Variants in TMC2 observed in about 807,000 individuals in gnomAD.
TMC2 encodes the protein transmembrane channel-like protein 2.
In TMC2, 102 loss-of-function variants were observed where a neutral mutation model predicts 105.9. The ratio of observed to expected loss-of-function variants is 0.96; its 90% CI spans 0.82 to 1.14. The LOEUF is 1.14. TMC2 is among the 50% of genes most tolerant of loss of function. TMC2 has a pLI of 0.00. For missense variants in TMC2, 1,093 were observed against 1,134.3 expected, an observed-to-expected ratio of 0.96 and a Z score of 0.52; for synonymous variants, 402 against 422.8, an observed-to-expected ratio of 0.95 and a Z score of 0.60.
intron 10 of TMC2, 48 bp from the exon 11 acceptor site, chr20:2,602,065 G>A: frequency 1.4e-6 from 2 of 1,414,172 alleles, no homozygotes; most frequent in Non-Finnish European, 1.9e-6. Flanking sequence ...CCATGGTTCT[G>A]GCATTTCTGG....
chr20:2,611,817 C>T (rs2086440247), intron 12 of TMC2, among the ~76,000 whole-genome samples: 1 of 126,002 alleles, frequency 7.9e-6, no homozygotes, highest in Non-Finnish European at 1.6e-5. Context: ...TGGCTGAATG[C>T]TTAGATGGAT....
At chr20:2,622,690 AG>A (rs1250716005) in intron 16 of TMC2, among the ~76,000 whole-genome samples, 3 of 151,998 alleles carry the variant, frequency 2.0e-5, no homozygotes, top group African/African-American at 7.3e-5. Context: ...CAAAAAAAAA[AG>A]AAAGAAAGAA....
intron 4 of TMC2, among the ~76,000 whole-genome samples, chr20:2,563,096 G>C (rs778846876): frequency 1.3e-5 from 2 of 151,998 alleles, no homozygotes; most frequent in Non-Finnish European, 2.9e-5. Context: ...CACTCCCCCC[G>C]TTTCCTCTGT....
At chr20:2,607,767 T>G (rs1402975000) in intron 11 of TMC2, among the ~76,000 whole-genome samples, 1 of 151,940 alleles carries the variant, frequency 6.6e-6, no homozygotes, top group East Asian at 1.9e-4. Context: ...TGTCTATGTG[T>G]TTTTTTATTT....
chr20:2,609,155 G>C (rs1263254785), intron 11 of TMC2, among the ~76,000 whole-genome samples: 1 of 152,188 alleles, frequency 6.6e-6, no homozygotes, highest in Non-Finnish European at 1.5e-5. Context: ...CCCAGTACCT[G>C]TCTGGCTCTG....
intron 2 of TMC2, among the ~76,000 whole-genome samples, chr20:2,556,868 CTT>C (rs35012600): frequency 6.8e-6 from 1 of 147,422 alleles, no homozygotes; most frequent in Non-Finnish European, 1.5e-5. Context: ...GAATTCTGTC[CTT>C]TTTTTTTTTT....
chr20:2,611,538 C>A (rs1210693337), intron 12 of TMC2, among the ~76,000 whole-genome samples: 1 of 152,128 alleles, frequency 6.6e-6, no homozygotes, highest in Non-Finnish European at 1.5e-5. Context: ...AGGTTTTGGC[C>A]CAGCTGTCAC....
intron 13 of TMC2, 77 bp from the exon 14 acceptor site, chr20:2,613,115 ACT>A (rs1305749003): frequency 2.4e-5 from 37 of 1,534,978 alleles, no homozygotes; most frequent in Non-Finnish European, 3.0e-5. Flanking sequence ...AGTTTATTAG[ACT>A]CTCAACAAAC....
At position 2,592,994 on chromosome 20, in the gene TMC2, A is replaced by G. The variant is rs2086280027; in HGVS notation, c.933+586A>G. Among the ~76,000 whole-genome samples, 1 of 152,166 alleles carries G rather than the reference A, an allele frequency of 6.6e-6. No individual in the cohort carries two copies. Among genetic ancestry groups the G allele is most frequent in the African/African-American group, 2.4e-5 (1 of 41,432 alleles). On this transcript the variant is annotated intron_variant, in intron 8 of 19. Coordinates refer to ENST00000358864, the MANE Select transcript of TMC2 (RefSeq NM_080751.3). This position sits in a 1 kb window ranked among gnomAD's most constrained non-coding sequence, Gnocchi z 4.9. ...TAAATATTTCTTAAATCTTTTGTAA[A>G]CCCAATTGTATTAGTTCATGTTCAC...
At chr20:2,639,915 C>T (rs771652665) in intron 19 of TMC2, among the ~76,000 whole-genome samples, 13 of 152,210 alleles carry the variant, frequency 8.5e-5, no homozygotes, top group African/African-American at 2.4e-4. Context: ...AGTGTCTGCA[C>T]GCAGACACTT....
rs2085850228 is a variant in TMC2 at position 2,536,597 on chromosome 20, C to A, written c.-25C>A. The A allele has an allele frequency of 1.3e-6, 2 of 1,563,976 alleles. No homozygotes were observed. Among genetic ancestry groups the A allele is most frequent in the Admixed American group, 1.9e-5 (1 of 51,712 alleles). ...CAGGAGCACGCTGCGTGAGCCTGTGCAGGACCCCAGCAGTGCTGCTGACCA... is the reference window on the plus strand; with the variant it reads ...CAGGAGCACGCTGCGTGAGCCTGTGAAGGACCCCAGCAGTGCTGCTGACCA... On this transcript the variant is annotated 5_prime_UTR_variant, in exon 1 of 20. Transcript: ENST00000358864.
At chr20:2,637,642 G>A in intron 19 of TMC2, 51 bp downstream of exon 19, 1 of 1,259,884 alleles carries the variant, frequency 7.9e-7, no homozygotes, top group Non-Finnish European at 1.2e-6. Context: ...ATGGAAAGGT[G>A]TAAAGAGCCT....
chr20:2,633,711 A>T (rs970496066), intron 17 of TMC2, among the ~76,000 whole-genome samples: 1 of 152,018 alleles, frequency 6.6e-6, no homozygotes, highest in African/African-American at 2.4e-5. Context: ...CAGGCTACTG[A>T]TTTTCACCAA....
intron 2 of TMC2, among the ~76,000 whole-genome samples, chr20:2,538,187 AGCCTGAGCTTCAGTGAG>A (rs1568498253): frequency 3.3e-5 from 5 of 152,100 alleles, no homozygotes; most frequent in African/African-American, 9.6e-5. Flanking sequence ...GGTTGTCGGG[AGCCTGAGCTTCAGTGAG>A]GCCGCTGTGT....
chr20:2,617,037 C>G, intron 15 of TMC2, 35 bp from the exon 16 acceptor site: 1 of 1,613,208 alleles, frequency 6.2e-7, no homozygotes, highest in Non-Finnish European at 8.5e-7. Flanking sequence ...TCCCTGCTGT[C>G]CAGCCAACCA....
At chr20:2,573,561 C>CTTTTTTTTTTT (rs370771531) in intron 5 of TMC2, among the ~76,000 whole-genome samples, 41 of 116,992 alleles carry the variant, frequency 3.5e-4, no homozygotes, top group Non-Finnish European at 4.6e-4. Flanking sequence ...CTTTTCTTTT[C>CTTTTTTTTTTT]TTTTTTTTTT....
Position 2,552,511 on chromosome 20 carries a change from AG to A in TMC2, c.83-5944del, listed in dbSNP as rs1462781552. On this transcript the variant is annotated intron_variant, in intron 2 of 19. Transcript: ENST00000358864. ...ACATATTTTGTTAGATTTATATATAAGTTTCATTTATTTGTTTGTTTGTTTT... is the reference window on the plus strand; with the variant it reads ...ACATATTTTGTTAGATTTATATATAATTTCATTTATTTGTTTGTTTGTTTT... Among the ~76,000 whole-genome samples, 6 of 152,102 alleles carry A rather than the reference AG, an allele frequency of 3.9e-5. No homozygotes were observed. The East Asian group carries it at 1.2e-3, about 29-fold the overall frequency.
chr20:2,624,343 CT>C lies in TMC2; in HGVS notation c.2256del (p.Phe752LeufsTer9). The part of the protein sequence containing the change: ...NDFPTFLGKI[F>X]AFLANPGLII... The stretch of plus-strand genomic sequence containing the variant: ...ATTTCCCAACCTTCCTGGGCAAGAT[CT>C]TTGCTTTCCTCGCCAATCCAGGCCT... On this transcript the variant is annotated frameshift_variant, in exon 17 of 20. Transcript: ENST00000358864. LOFTEE classifies it high-confidence loss of function. 6.2e-7 allele frequency: 1 copy of C among 1,614,184 alleles called. No homozygotes were observed. The highest frequency in any genetic ancestry group is 8.5e-7 in the Non-Finnish European group (1 of 1,180,036).
chr20:2,638,961 T>C (rs766931864), intron 19 of TMC2, among the ~76,000 whole-genome samples: 1 of 151,406 alleles, frequency 6.6e-6, no homozygotes, highest in Non-Finnish European at 1.5e-5. Context: ...AGTGGTGTGA[T>C]CTCGGCTCAC....
Sources: allele counts gnomAD v4.1 joint callset (sites outside exome capture counted in the v4.1 genomes callset), GRCh38; gene constraint gnomAD v4.1.1; non-coding constraint Gnocchi (gnomAD v3.1); transcripts MANE v1.5; gene names NCBI Gene and HGNC (gene_info 2026-07-23, HGNC 2026-07-21).